ADAMTS20: variants seen among roughly 807,000 people sequenced by gnomAD.
The protein encoded by ADAMTS20 is A disintegrin and metalloproteinase with thrombospondin motifs 20.
Under a neutral mutation model 260.1 loss-of-function variants are expected in ADAMTS20, and 225 were observed. The observed-to-expected ratio is 0.87, with a 90% CI of 0.78 to 0.97. ADAMTS20 has a LOEUF of 0.97. ADAMTS20 is among the 50% of genes least tolerant of loss of function. ADAMTS20 has a pLI of 0.00. For missense variants in ADAMTS20, 2,400 were observed against 2,337.7 expected (o/e 1.03, Z -0.55); for synonymous variants, 802 against 769.5 (o/e 1.04, Z -0.70).
Position 43,376,510 on chromosome 12 carries a change from A to C in ADAMTS20, c.5125+14T>G. ...AAACCCTTAGGTATTAGATTTTTGA[A>C]GTCTACTACTTACAGTCATTGGCAT... On this transcript the variant is annotated intron_variant, in intron 33 of 38. Transcript: ENST00000389420. 3 of 1,597,862 alleles carry C rather than the reference A, an allele frequency of 1.9e-6. No homozygotes were observed. The highest frequency in any genetic ancestry group is 2.6e-6 in the Non-Finnish European group (3 of 1,175,588).
chr12:43,381,372 T>C (rs551032156), intron 31 of ADAMTS20, among the ~76,000 whole-genome samples: 4 of 152,122 alleles, frequency 2.6e-5, no homozygotes, highest in South Asian at 2.1e-4. Flanking sequence ...TTTCACTTCA[T>C]CAAAGCATAC....
At chr12:43,390,357 C>T (rs1463897589) in intron 29 of ADAMTS20, among the ~76,000 whole-genome samples, 2 of 152,146 alleles carry the variant, frequency 1.3e-5, no homozygotes, top group African/African-American at 4.8e-5. Flanking sequence ...TTCAGCCACA[C>T]CTTTTGTATT....
chr12:43,423,731 G>A, intron 28 of ADAMTS20: 2 of 702,272 alleles, frequency 2.8e-6, no homozygotes, highest in Non-Finnish European at 5.2e-6. Flanking sequence ...ATCTCCCCAA[G>A]TAAACTGTAA....
intron 29 of ADAMTS20, among the ~76,000 whole-genome samples, chr12:43,386,426 T>C (rs946860194): frequency 1.3e-5 from 2 of 152,204 alleles, no homozygotes; most frequent in East Asian, 1.9e-4. Flanking sequence ...CATTTTTTCC[T>C]TCATTTCAAC....
chr12:43,523,002 CTT>C (rs748086622), intron 3 of ADAMTS20, among the ~76,000 whole-genome samples: 1 of 152,174 alleles, frequency 6.6e-6, no homozygotes, highest in Non-Finnish European at 1.5e-5. Flanking sequence ...AAAGATATCA[CTT>C]TTCCTTTTCC....
chr12:43,540,098 A>C (rs2137519398), intron 2 of ADAMTS20, among the ~76,000 whole-genome samples: 1 of 152,070 alleles, frequency 6.6e-6, no homozygotes, highest in Non-Finnish European at 1.5e-5. Flanking sequence ...TGGCCAGGCT[A>C]GTCTCGATCT....
chr12:43,463,331 A>G (rs1001920954), intron 10 of ADAMTS20, among the ~76,000 whole-genome samples: 3 of 152,140 alleles, frequency 2.0e-5, no homozygotes, highest in Non-Finnish European at 2.9e-5. Context: ...GTTAAATATT[A>G]TTCATAAGAA....
intron 37 of ADAMTS20, among the ~76,000 whole-genome samples, chr12:43,360,502 A>C (rs1292776042): frequency 6.6e-6 from 1 of 152,120 alleles, no homozygotes; most frequent in African/African-American, 2.4e-5. Context: ...CAAAGGACAT[A>C]AAAAGAGAGT....
At position 43,428,678 on chromosome 12, in the gene ADAMTS20, C is replaced by T; in HGVS notation, c.3611G>A (p.Cys1204Tyr). 1.2e-6 allele frequency: 2 copies of T among 1,610,564 alleles called. No individual in the cohort carries two copies. The highest frequency in any genetic ancestry group is 1.7e-5 in the Admixed American group (1 of 59,822). Residue 1204 changes from cysteine (C) to tyrosine (Y), a missense_variant, in exon 25 of 39, where the codon TGT becomes TAT. By Grantham distance (194) the Cys-to-Tyr change is radical. Coordinates refer to ENST00000389420, the MANE Select transcript of ADAMTS20 (RefSeq NM_025003.5). ...TTGCCACTCTCCACAAGGGGTAAAA[C>T]AGTCCCATATTTCAGCAGGTCGGGG... ...HLPRPAEIWD[C>Y]FTPCGEWQAG...
intron 3 of ADAMTS20, among the ~76,000 whole-genome samples, chr12:43,529,291 A>T (rs544337733): frequency 7.2e-5 from 11 of 152,284 alleles, no homozygotes; most frequent in African/African-American, 2.6e-4. Context: ...TCCAGCTAAT[A>T]TGATGACTGG....
intron 28 of ADAMTS20, among the ~76,000 whole-genome samples, chr12:43,412,720 G>A (rs1351260364): frequency 2.0e-5 from 3 of 151,310 alleles, no homozygotes; most frequent in Non-Finnish European, 2.9e-5. Flanking sequence ...ATTTCTAGAT[G>A]TGAAAATTCT....
intron 3 of ADAMTS20, among the ~76,000 whole-genome samples, chr12:43,530,548 A>AT (rs1943206337): frequency 6.6e-6 from 1 of 152,172 alleles, no homozygotes; most frequent in Non-Finnish European, 1.5e-5. Flanking sequence ...TCAAAGGCCT[A>AT]CATATCATTA....
intron 2 of ADAMTS20, among the ~76,000 whole-genome samples, chr12:43,543,797 G>A (rs1943407844): frequency 6.6e-6 from 1 of 151,990 alleles, no homozygotes; most frequent in Non-Finnish European, 1.5e-5. Context: ...TTTACATCTA[G>A]GTAGAACCAG....
intron 36 of ADAMTS20, among the ~76,000 whole-genome samples, chr12:43,373,711 G>T (rs1310139145): frequency 1.8e-5 from 2 of 112,980 alleles, no homozygotes; most frequent in Non-Finnish European, 3.3e-5. Context: ...ACGGAGTCTC[G>T]CTCTGTCGCC....
At chr12:43,360,551 A>T (rs1379933196) in intron 37 of ADAMTS20, among the ~76,000 whole-genome samples, 1 of 152,212 alleles carries the variant, frequency 6.6e-6, no homozygotes, top group African/African-American at 2.4e-5. Context: ...GGAGAATTTG[A>T]GTCCCCAATC....
chr12:43,471,716 G>A (rs1427015759), intron 7 of ADAMTS20, among the ~76,000 whole-genome samples: 10 of 137,194 alleles, frequency 7.3e-5, no homozygotes, highest in Admixed American at 1.5e-4. Context: ...GCACCCCCCA[G>A]CAGGGGCACA....
chr12:43,376,181 T>G, intron 34 of ADAMTS20, 33 bp from the exon 35 acceptor site: 1 of 1,559,034 alleles, frequency 6.4e-7, no homozygotes, highest in Non-Finnish European at 8.7e-7. Flanking sequence ...TAGAAAAACT[T>G]TTTCCAAAGT....
intron 2 of ADAMTS20, among the ~76,000 whole-genome samples, chr12:43,533,169 C>G (rs1172371871): frequency 1.5e-5 from 1 of 67,832 alleles, no homozygotes; most frequent in African/African-American, 5.3e-5. Flanking sequence ...ACAGTCCCAC[C>G]AACAGTGTAA....
At chr12:43,528,139 G>A (rs796491493) in intron 3 of ADAMTS20, among the ~76,000 whole-genome samples, 16 of 151,724 alleles carry the variant, frequency 1.1e-4, no homozygotes, top group African/African-American at 3.6e-4. Flanking sequence ...AACCAAGGAG[G>A]TGAAAGATCT....
Sources: gnomAD v4.1 joint callset for allele counts (sites outside exome capture counted in the v4.1 genomes callset) on GRCh38, gnomAD v4.1.1 for gene constraint, MANE v1.5 for transcripts, NCBI Gene and HGNC (gene_info 2026-07-23, HGNC 2026-07-21) for gene names.